The following SRFBP1 variants were observed in gnomAD, a reference collection of about 807,000 sequenced individuals.
The protein encoded by SRFBP1 is serum response factor-binding protein 1.
SRFBP1 carries 47 observed loss-of-function variants against 45.5 expected under a neutral mutation model. The ratio of observed to expected loss-of-function variants is 1.03; its 90% confidence interval spans 0.82 to 1.32. The LOEUF is 1.32. Ranked by LOEUF, SRFBP1 falls within the 40% of genes most tolerant of loss-of-function variation. The probability of loss-of-function intolerance (pLI) is 0.00; values close to 1 mark genes in which losing one functional copy is unlikely to be tolerated. For missense variants in SRFBP1, 621 were observed against 484.6 expected, an observed-to-expected ratio of 1.28 and a Z score of -2.64; for synonymous variants, 203 against 166.3, an observed-to-expected ratio of 1.22 and a Z score of -1.70.
chr5:122,072,672 A>C (rs1311137233), intron 2 of SRFBP1, among the ~76,000 whole-genome samples: 2 of 152,220 alleles, frequency 1.3e-5, no homozygotes, highest in African/African-American at 4.8e-5. Flanking sequence ...ATCTAATGAA[A>C]AAAACAAATA....
rs1452259662 is a variant in SRFBP1 at position 122,020,243 on chromosome 5, G to A, written c.508G>A (p.Val170Ile). The change falls in exon 6 of 8, where the codon GTC (valine) becomes ATC (isoleucine). Residue 170 changes from valine to isoleucine, a missense_variant. Coordinates refer to ENST00000339397, the MANE Select transcript of SRFBP1 (RefSeq NM_152546.3). ...REATVISEQKVKETKILAKKP... is the reference protein window; with the variant it reads ...REATVISEQKIKETKILAKKP... ...AGCAACTGTCATCAGTGAGCAAAAA[G>A]TCAAAGAAACCAAAATATTGGCGAA... 24 of 1,612,648 alleles carry A rather than the reference G, an allele frequency of 1.5e-5. No individual in the cohort carries two copies. The highest frequency in any genetic ancestry group is 2.0e-5 in the Non-Finnish European group (24 of 1,179,686).
rs181451775 is a variant in SRFBP1 at position 122,055,808 on chromosome 5, T to C, written n.312-19507T>C. On this transcript the variant is annotated intron_variant and non_coding_transcript_variant, in intron 2 of 2. Transcript: ENST00000504881. ...ATGAGGATGGTTGCTATTACCATTT[T>C]CACTTAATGGTGTTGTGAAAGTTGA... 2.6e-5 allele frequency among the ~76,000 whole-genome samples: 4 copies of C among 152,310 alleles called. No individual in the cohort carries two copies. The East Asian group carries it at 7.7e-4, about 29-fold the overall frequency.
At chr5:122,040,851 G>T (rs562005454) in intron 2 of SRFBP1, among the ~76,000 whole-genome samples, 4 of 152,048 alleles carry the variant, frequency 2.6e-5, no homozygotes, top group African/African-American at 9.7e-5. Context: ...CTGTTCAAAG[G>T]TCATCTTGTT....
chr5:122,071,165 T>C (rs559508432), intron 2 of SRFBP1, among the ~76,000 whole-genome samples: 1 of 151,572 alleles, frequency 6.6e-6, no homozygotes, highest in South Asian at 2.1e-4. Flanking sequence ...TTAAATAGTA[T>C]GTGGCAGGAA....
chr5:121,982,541 A>G (rs1317712025), intron 3 of SRFBP1, among the ~76,000 whole-genome samples: 1 of 151,934 alleles, frequency 6.6e-6, no homozygotes, highest in Non-Finnish European at 1.5e-5. Context: ...TTGTCTTCTA[A>G]ATAAGAACAT....
chr5:122,022,723 T>C (rs1024860347), intron 7 of SRFBP1, among the ~76,000 whole-genome samples: 4 of 152,238 alleles, frequency 2.6e-5, no homozygotes. Context: ...TCCTAAACGC[T>C]AATGCCATGC....
chr5:122,061,875 T>C lies in SRFBP1; in HGVS notation n.312-13440T>C, dbSNP rs1269619784. ...ATTAGTGAGTTTTGGATATCCAGTA[T>C]CCTTATGTCCTATAGCTCAAATGCT... On this transcript the variant is annotated intron_variant and non_coding_transcript_variant, in intron 2 of 2. Transcript: ENST00000504881. Among the ~76,000 whole-genome samples the C allele has an allele frequency of 2.0e-5, 3 of 152,140 alleles. No homozygotes were observed. The South Asian group carries it at 6.2e-4, about 32-fold the overall frequency.
chr5:122,016,147 A>G (rs1280683502), intron 4 of SRFBP1, among the ~76,000 whole-genome samples: 2 of 152,146 alleles, frequency 1.3e-5, no homozygotes, highest in Non-Finnish European at 2.9e-5. Flanking sequence ...TCTGCTATTG[A>G]TATGTCCTCT....
chr5:122,061,198 C>A (rs1397855278), intron 2 of SRFBP1, among the ~76,000 whole-genome samples: 1 of 151,046 alleles, frequency 6.6e-6, no homozygotes, highest in Admixed American at 6.7e-5. Context: ...GAAGACCCAA[C>A]ATTATTTGAT....
At chr5:122,029,425 T>G (rs926449504), downstream of SRFBP1, among the ~76,000 whole-genome samples, 1 of 152,208 alleles carries the variant, frequency 6.6e-6, no homozygotes, top group Non-Finnish European at 1.5e-5. Flanking sequence ...TTTAGTTTTT[T>G]TCCTGGTCTT....
chr5:122,076,806 C>T (rs1754650019), downstream of SRFBP1: 3 of 1,155,196 alleles, frequency 2.6e-6, no homozygotes, highest in Non-Finnish European at 2.6e-6. Flanking sequence ...CACTTGTCTG[C>T]GCGAAGCAGT....
At chr5:122,036,775 C>G (rs192391893) in intron 2 of SRFBP1, among the ~76,000 whole-genome samples, 4 of 152,178 alleles carry the variant, frequency 2.6e-5, no homozygotes, top group Admixed American at 6.5e-5. Flanking sequence ...TGCCCCTGCC[C>G]CTGTTTTGTC....
chr5:122,030,193 T>C (rs1454164239), downstream of SRFBP1, among the ~76,000 whole-genome samples: 2 of 152,178 alleles, frequency 1.3e-5, no homozygotes, highest in Admixed American at 1.3e-4. Flanking sequence ...GTCCAAACTA[T>C]CAGAATCAAC....
At chr5:122,052,750 A>C (rs764150318) in intron 2 of SRFBP1, among the ~76,000 whole-genome samples, 1 of 152,110 alleles carries the variant, frequency 6.6e-6, no homozygotes, top group Non-Finnish European at 1.5e-5. Flanking sequence ...AATTTCTGCC[A>C]TTTCAGTAAT....
At chr5:122,026,030 C>T (rs976980963) in intron 7 of SRFBP1, among the ~76,000 whole-genome samples, 4 of 152,144 alleles carry the variant, frequency 2.6e-5, no homozygotes, top group Middle Eastern at 3.2e-3. Context: ...GTGGAGGTTG[C>T]AGTGAGCCAA....
intron 2 of SRFBP1, 33 bp from the exon 3 acceptor site, chr5:121,975,282 G>A: frequency 6.3e-7 from 1 of 1,588,224 alleles, no homozygotes; most frequent in Non-Finnish European, 8.6e-7. Flanking sequence ...TTAATGCTTT[G>A]CCTGGCTACA....
chr5:121,972,333 T>A (rs533070852), intron 1 of SRFBP1, among the ~76,000 whole-genome samples: 1 of 151,980 alleles, frequency 6.6e-6, no homozygotes, highest in Admixed American at 6.6e-5. Context: ...GGTTCCCAAC[T>A]GATAATTATT....
chr5:122,010,080 T>C (rs1055198805), intron 4 of SRFBP1, among the ~76,000 whole-genome samples: 3 of 152,170 alleles, frequency 2.0e-5, no homozygotes, highest in Admixed American at 6.5e-5. Flanking sequence ...TTCAGTTGTG[T>C]CACATCACTA....
rs192300748 is a variant in SRFBP1, at chr5:122,020,608, A to G, written c.873A>G (p.Arg291=). Residue 291 remains arginine (R), a synonymous_variant, in exon 6 of 8, where the codon AGA becomes AGG. Transcript: ENST00000339397. ...SGDDFFIGKV[R]RTRKKESSCH... ...ACGACTTCTTCATTGGGAAAGTCAG[A>G]CGGACACGAAAGAAGGAAAGTAGTT... The G allele has an allele frequency of 1.9e-6, 3 of 1,613,840 alleles. No homozygotes were observed. The highest frequency in any genetic ancestry group is 2.7e-5 in the African/African-American group (2 of 75,028).
Sources: gnomAD v4.1 joint callset for allele counts (sites outside exome capture counted in the v4.1 genomes callset) on GRCh38, gnomAD v4.1.1 for gene constraint, MANE v1.5 for transcripts, NCBI Gene and HGNC (gene_info 2026-07-23, HGNC 2026-07-21) for gene names.